PIK3R3: variants seen among roughly 807,000 people sequenced by gnomAD.
The protein encoded by PIK3R3 is phosphoinositide-3-kinase regulatory subunit 3.
A neutral mutation model predicts 62.9 loss-of-function variants in PIK3R3; 64 were observed. The ratio of observed to expected loss-of-function variants is 1.02; its 90% CI spans 0.83 to 1.25. The LOEUF (loss-of-function observed/expected upper bound fraction) is 1.25. Ranked by LOEUF, PIK3R3 falls within the 50% of genes most tolerant of loss-of-function variation. The probability of loss-of-function intolerance (pLI) is 0.00; values close to 1 mark genes in which losing one functional copy is unlikely to be tolerated. For synonymous variants in PIK3R3, 165 were observed against 189.0 expected (o/e 0.87, Z 1.04); for missense variants, 614 against 561.6 (o/e 1.09, Z -0.94).
chr1:46,078,915 T>C (rs949243795), intron 2 of PIK3R3, among the ~76,000 whole-genome samples: 7 of 152,098 alleles, frequency 4.6e-5, no homozygotes, highest in Non-Finnish European at 8.8e-5. Context: ...GCAAAGTACC[T>C]ACAATTGAAT....
In PIK3R3 at chr1:46,089,196, G is replaced by C. The variant is rs1323236559; in HGVS notation, c.107-8446C>G. 2.0e-5 allele frequency among the ~76,000 whole-genome samples: 3 copies of C among 152,148 alleles called. No homozygotes were observed. The East Asian group carries it at 5.8e-4, about 29-fold the overall frequency. ...CAGGAAAATGGATGCCAACACAAGA[G>C]AGAAGCAATGGCAATGCCCAGCATA... On this transcript the variant is annotated intron_variant, in intron 1 of 9. Coordinates refer to ENST00000262741, the MANE Select transcript of PIK3R3 (RefSeq NM_003629.4).
At chr1:46,145,935 G>GGTGA in the PIK3R3 span, among the ~76,000 whole-genome samples, 1,454 of 152,238 alleles carry the variant, frequency 9.6e-3, 76 homozygotes, top group East Asian at 0.16. Context: ...AGAAGAGGGA[G>GGTGA]GTGAGATAAG....
intron 1 of PIK3R3, among the ~76,000 whole-genome samples, chr1:46,128,117 T>C (rs999353041): frequency 2.0e-5 from 3 of 152,172 alleles, no homozygotes; most frequent in East Asian, 1.9e-4. Context: ...TAGATAAAAC[T>C]TGGCATTTAT....
the PIK3R3 span, among the ~76,000 whole-genome samples, chr1:46,152,384 CAGATCCTCATA>C: frequency 1.3e-5 from 2 of 152,180 alleles, no homozygotes; most frequent in Admixed American, 1.3e-4. Flanking sequence ...CCTCAACTTT[CAGATCCTCATA>C]AGTCTCTAGA....
At position 46,110,666 on chromosome 1, in the gene PIK3R3, C is replaced by G. The variant is rs559100187; in HGVS notation, c.106+21181G>C. 2.6e-5 allele frequency among the ~76,000 whole-genome samples: 4 copies of G among 152,126 alleles called. No homozygotes were observed. In the East Asian group the frequency reaches 7.7e-4, roughly 29 times the overall value. ...CATATTTTCTTACCCATCTTTGTATCTCCAGTGCCAAGTGTTTCACACATA... is the reference window on the plus strand; with the variant it reads ...CATATTTTCTTACCCATCTTTGTATGTCCAGTGCCAAGTGTTTCACACATA... On this transcript the variant is annotated intron_variant, in intron 1 of 9. Coordinates refer to ENST00000262741, the MANE Select transcript of PIK3R3 (RefSeq NM_003629.4).
upstream of PIK3R3, among the ~76,000 whole-genome samples, chr1:46,135,047 T>C (rs1227586610): frequency 1.3e-5 from 2 of 152,188 alleles, no homozygotes; most frequent in Non-Finnish European, 2.9e-5. Context: ...GGAAGCAAAC[T>C]TTCTTAGTCC....
In PIK3R3 at chr1:46,044,957, T is replaced by C. The variant is rs925023133; in HGVS notation, c.1187+961A>G. ...TAAAGCACTGAGCAGTCTGTTAATA[T>C]GAATGCCTTTCGCCTACCTTCTCCA... is the stretch of plus-strand genomic sequence containing the variant. On this transcript the variant is annotated intron_variant, in intron 9 of 9. Transcript: ENST00000262741. This position sits in a 1 kb window ranked among gnomAD's most constrained non-coding sequence, Gnocchi z 4.2. Among the ~76,000 whole-genome samples, 3 of 152,238 alleles carry C rather than the reference T, an allele frequency of 2.0e-5. No individual in the cohort carries two copies. Among genetic ancestry groups the C allele is most frequent in the Non-Finnish European group, 4.4e-5 (3 of 68,046 alleles).
chr1:46,128,582 T>C (rs895424810), intron 1 of PIK3R3, among the ~76,000 whole-genome samples: 4 of 152,230 alleles, frequency 2.6e-5, no homozygotes, highest in African/African-American at 7.2e-5. Flanking sequence ...GGACCTTAAG[T>C]AGAAAGGCAC....
chr1:46,161,863 T>C, the PIK3R3 span, among the ~76,000 whole-genome samples: 12 of 151,996 alleles, frequency 7.9e-5, no homozygotes, highest in Admixed American at 2.6e-4. Flanking sequence ...GAGGCCAAGG[T>C]GGGCGGATCA....
intron 1 of PIK3R3, among the ~76,000 whole-genome samples, chr1:46,107,457 G>A (rs954245098): frequency 6.6e-6 from 1 of 151,718 alleles, no homozygotes; most frequent in Non-Finnish European, 1.5e-5. Context: ...TTTTAATATG[G>A]AAAGGAATAA....
chr1:46,132,611 C>G lies in PIK3R3; in HGVS notation c.-659G>C, dbSNP rs1655723568. The G allele has an allele frequency of 7.8e-7, 1 of 1,289,570 alleles. No individual in the cohort carries two copies. The highest frequency in any genetic ancestry group is 1.0e-6 in the Non-Finnish European group (1 of 988,714). 79.9% of individuals were successfully genotyped at this position (1,289,570 alleles called of 1,614,324 possible). ...GTAAGAACCAACCCGACCGCACCAA[C>G]TGCCCTCAAGCTCTGCCCGGACTCC... On this transcript the variant is annotated 5_prime_UTR_variant, in exon 1 of 10. Coordinates refer to ENST00000262741, the MANE Select transcript of PIK3R3 (RefSeq NM_003629.4).
intron 3 of PIK3R3, among the ~76,000 whole-genome samples, chr1:46,075,646 C>G (rs1426557820): frequency 6.6e-6 from 1 of 151,914 alleles, no homozygotes; most frequent in African/African-American, 2.4e-5. Context: ...TTACCTTCCT[C>G]TAGAATCATT....
Position 46,042,021 on chromosome 1 carries a change from T to C in PIK3R3, c.*1652A>G, listed in dbSNP as rs192331848. On this transcript the variant is annotated 3_prime_UTR_variant, in exon 10 of 10. Transcript: ENST00000262741. The surrounding 1 kb of genome is among the most constrained non-coding windows in gnomAD (Gnocchi z 4.3). Reference sequence around the variant, plus strand: ...TAGCTGTAAGCCTTATAAACCAAGATGCAGGTACTGGCTTCTCTAGCTCAG... The same window carrying C: ...TAGCTGTAAGCCTTATAAACCAAGACGCAGGTACTGGCTTCTCTAGCTCAG... The C allele has an allele frequency of 3.4e-4, 76 of 222,254 alleles. No homozygotes were observed. In the East Asian group the frequency reaches 5.0e-3, roughly 15 times the overall value. The allele number at this position is 222,254 out of a possible 1,614,324, so 13.8% of individuals were successfully genotyped here.
At chr1:46,130,010 C>CA (rs1655436766) in intron 1 of PIK3R3, among the ~76,000 whole-genome samples, 1 of 152,148 alleles carries the variant, frequency 6.6e-6, no homozygotes, top group Non-Finnish European at 1.5e-5. Flanking sequence ...ACCCACGTCT[C>CA]CATATAGTTA....
At chr1:46,156,003 AG>A in the PIK3R3 span, among the ~76,000 whole-genome samples, 1 of 152,182 alleles carries the variant, frequency 6.6e-6, no homozygotes, top group Non-Finnish European at 1.5e-5. Flanking sequence ...TTACAGTAAA[AG>A]TTTGTCGACC....
intron 1 of PIK3R3, among the ~76,000 whole-genome samples, chr1:46,096,072 C>T (rs1178624994): frequency 3.3e-5 from 5 of 152,202 alleles, no homozygotes; most frequent in Non-Finnish European, 5.9e-5. Flanking sequence ...GCGTGAGCCA[C>T]CGTGCCCGAC....
At chr1:46,122,115 GAA>G (rs1319499887) in intron 1 of PIK3R3, among the ~76,000 whole-genome samples, 2 of 151,500 alleles carry the variant, frequency 1.3e-5, no homozygotes, top group Admixed American at 1.3e-4. Context: ...ATAAATAAAA[GAA>G]AAAGAAAACA....
the PIK3R3 span, among the ~76,000 whole-genome samples, chr1:46,151,207 C>T: frequency 6.6e-6 from 1 of 152,146 alleles, no homozygotes. Flanking sequence ...TTTTTCATCT[C>T]TTCCCCCATC....
At chr1:46,085,598 T>C (rs1336577102) in intron 1 of PIK3R3, among the ~76,000 whole-genome samples, 7 of 152,352 alleles carry the variant, frequency 4.6e-5, no homozygotes, top group African/African-American at 1.2e-4. Context: ...AGCAGATTTA[T>C]ATCTATCTTC....
Sources: allele counts gnomAD v4.1 joint callset (sites outside exome capture counted in the v4.1 genomes callset), GRCh38; gene constraint gnomAD v4.1.1; non-coding constraint Gnocchi (gnomAD v3.1); transcripts MANE v1.5; gene names NCBI Gene and HGNC (gene_info 2026-07-23, HGNC 2026-07-21).